Variants in VWA3B observed in about 807,000 individuals in gnomAD.
VWA3B encodes the protein von Willebrand factor A domain containing 3B.
VWA3B carries 138 observed loss-of-function variants against 158.3 expected under a neutral mutation model. That is an observed-to-expected ratio of 0.87 (90% CI 0.76 to 1.00). VWA3B has a LOEUF of 1.00. Among genes scored for constraint, VWA3B ranks in the 50% least tolerant of loss-of-function variants. The pLI is 0.00. For synonymous variants in VWA3B, 596 were observed against 587.3 expected, an observed-to-expected ratio of 1.01 and a Z score of -0.21; for missense variants, 1,555 against 1,565.1, an observed-to-expected ratio of 0.99 and a Z score of 0.11.
chr2:98,155,405 G>A (rs948036940), intron 7 of VWA3B, among the ~76,000 whole-genome samples: 3 of 152,216 alleles, frequency 2.0e-5, no homozygotes, highest in Non-Finnish European at 2.9e-5. Context: ...CAAGGCCAGC[G>A]TTCCAGTGTG....
At chr2:98,105,191 G>C (rs536423521) in intron 2 of VWA3B, among the ~76,000 whole-genome samples, 2 of 152,032 alleles carry the variant, frequency 1.3e-5, no homozygotes, top group South Asian at 4.1e-4. Context: ...GCTTTTTTCA[G>C]TTTTCGTTTA....
At chr2:98,224,208 A>G (rs1037860751) in intron 14 of VWA3B, among the ~76,000 whole-genome samples, 5 of 152,172 alleles carry the variant, frequency 3.3e-5, no homozygotes, top group African/African-American at 1.2e-4. Flanking sequence ...AAGAGATTAT[A>G]AAAGAAATAA....
At chr2:98,277,025 G>T (rs973446537) in intron 22 of VWA3B, among the ~76,000 whole-genome samples, 3 of 151,946 alleles carry the variant, frequency 2.0e-5, no homozygotes, top group Non-Finnish European at 4.4e-5. Context: ...CAGCTTCCAC[G>T]GGCAGTTCCT....
chr2:98,199,637 T>G (rs989425153), intron 12 of VWA3B, among the ~76,000 whole-genome samples: 1 of 152,218 alleles, frequency 6.6e-6, no homozygotes. Flanking sequence ...ATGCTGGTCC[T>G]TCGCTCCAGA....
intron 15 of VWA3B, among the ~76,000 whole-genome samples, chr2:98,229,517 T>C (rs1440829340): frequency 6.6e-6 from 1 of 152,228 alleles, no homozygotes; most frequent in African/African-American, 2.4e-5. Context: ...TGCAAGCGTT[T>C]CTGGGATCGC....
At chr2:98,126,369 C>T (rs1354658843) in intron 5 of VWA3B, among the ~76,000 whole-genome samples, 1 of 152,198 alleles carries the variant, frequency 6.6e-6, no homozygotes, top group African/African-American at 2.4e-5. Context: ...CCTCCCTCTT[C>T]ATCTGACCAA....
chr2:98,229,829 GA>G (rs1685203202), intron 15 of VWA3B, among the ~76,000 whole-genome samples: 1 of 152,174 alleles, frequency 6.6e-6, no homozygotes, highest in Non-Finnish European at 1.5e-5. Context: ...CCAGACCTGT[GA>G]AGTGAGCTGT....
intron 19 of VWA3B, among the ~76,000 whole-genome samples, chr2:98,244,004 G>C (rs762328192): frequency 2.6e-5 from 4 of 152,152 alleles, no homozygotes; most frequent in African/African-American, 9.7e-5. Context: ...ATAATCACCA[G>C]TTTCACACTA....
intron 8 of VWA3B, among the ~76,000 whole-genome samples, chr2:98,170,753 T>G (rs976483828): frequency 2.0e-5 from 3 of 152,024 alleles, no homozygotes; most frequent in African/African-American, 7.2e-5. Context: ...ACTACAGGTG[T>G]GCGCCACCAT....
chr2:98,096,928 A>G (rs1017754258), intron 2 of VWA3B, among the ~76,000 whole-genome samples: 1 of 152,004 alleles, frequency 6.6e-6, no homozygotes, highest in African/African-American at 2.4e-5. Flanking sequence ...CGCTAAGGTA[A>G]GGTAAAACAT....
chr2:98,286,470 A>G (rs76178329), intron 22 of VWA3B, among the ~76,000 whole-genome samples: 5,925 of 152,206 alleles, frequency 0.039, 168 homozygotes, highest in Middle Eastern at 0.075. Flanking sequence ...TTTTATCATA[A>G]AAGGGTGTTG....
chr2:98,197,381 T>G (rs181923890), intron 12 of VWA3B, among the ~76,000 whole-genome samples: 22 of 152,132 alleles, frequency 1.4e-4, no homozygotes, highest in Non-Finnish European at 2.5e-4. Context: ...AAAGTTACCA[T>G]TTTTTTCCCT....
At chr2:98,278,362 G>A (rs1311102303) in intron 22 of VWA3B, among the ~76,000 whole-genome samples, 3 of 152,198 alleles carry the variant, frequency 2.0e-5, no homozygotes, top group East Asian at 1.9e-4. Context: ...CCCAGAGGGC[G>A]TGTGTTACCG....
intron 2 of VWA3B, among the ~76,000 whole-genome samples, chr2:98,113,516 G>A (rs1030713988): frequency 6.6e-6 from 1 of 152,178 alleles, no homozygotes; most frequent in African/African-American, 2.4e-5. Flanking sequence ...CCTTCTTCTA[G>A]GAGAAGTGAT....
At chr2:98,198,409 T>C (rs1682241791) in intron 12 of VWA3B, among the ~76,000 whole-genome samples, 1 of 152,206 alleles carries the variant, frequency 6.6e-6, no homozygotes, top group African/African-American at 2.4e-5. Context: ...AGCTGTGAAG[T>C]CAGGTAACTT....
At chr2:98,217,080 G>T in intron 13 of VWA3B, 1 of 909,746 alleles carries the variant, frequency 1.1e-6, no homozygotes, top group South Asian at 1.7e-5. Flanking sequence ...AGAGGGTGGG[G>T]GTTCCCCTCA....
In VWA3B at chr2:98,289,648, A is replaced by G. The variant is rs539817509; in HGVS notation, c.3046-863A>G. 3.3e-5 allele frequency among the ~76,000 whole-genome samples: 5 copies of G among 152,264 alleles called. No individual in the cohort carries two copies. The South Asian group carries it at 1.0e-3, about 32-fold the overall frequency. ...TTGTCCTGAAGAGGTGGGCTGGGATATTGGATTTCTGTAAAGCACTATGTT... is the reference window on the plus strand; with the variant it reads ...TTGTCCTGAAGAGGTGGGCTGGGATGTTGGATTTCTGTAAAGCACTATGTT... On this transcript the variant is annotated intron_variant, in intron 22 of 27. Transcript: ENST00000477737.
chr2:98,218,010 T>C lies in VWA3B; in HGVS notation c.2001T>C (p.Thr667=). ...ATAATTTTGGTTGCAAGGATCCCAC[T>C]CCCCCAGAGGCTGTTCAGGTAAGAG... ...HFYNFGCKDP[T]PPEAVQNEDL... Residue 667 remains threonine, a synonymous_variant, in exon 14 of 28, where the codon ACT becomes ACC. Coordinates refer to ENST00000477737, the MANE Select transcript of VWA3B (RefSeq NM_144992.5). The C allele has an allele frequency of 6.2e-7, 1 of 1,610,438 alleles. No individual in the cohort carries two copies.
At chr2:98,276,446 G>A (rs1688526291) in intron 22 of VWA3B, among the ~76,000 whole-genome samples, 4 of 152,176 alleles carry the variant, frequency 2.6e-5, no homozygotes, top group Admixed American at 6.5e-5. Flanking sequence ...AATTCTTTTA[G>A]CAAAGGCCAA....
Sources: allele counts gnomAD v4.1 joint callset (sites outside exome capture counted in the v4.1 genomes callset), GRCh38; gene constraint gnomAD v4.1.1; transcripts MANE v1.5; gene names NCBI Gene and HGNC (gene_info 2026-07-23, HGNC 2026-07-21).